The following AAR2 variants were observed in gnomAD, a reference collection of about 807,000 sequenced individuals.
AAR2 encodes the protein protein AAR2 homolog.
AAR2 carries 31 observed loss-of-function variants against 26.9 expected under a neutral mutation model. The observed-to-expected ratio is 1.15, with a 90% confidence interval of 0.86 to 1.55. The LOEUF (loss-of-function observed/expected upper bound fraction) is 1.55. Ranked by LOEUF, AAR2 falls within the 40% of genes most tolerant of loss-of-function variation. The pLI, the probability that AAR2 is intolerant of heterozygous loss-of-function variation, is 0.00. For missense variants in AAR2, 430 were observed against 491.3 expected, an observed-to-expected ratio of 0.88 and a Z score of 1.18; for synonymous variants, 188 against 196.1, an observed-to-expected ratio of 0.96 and a Z score of 0.34.
In AAR2 at chr20:36,244,901, A is replaced by T; in HGVS notation, c.962A>T (p.Asp321Val). The T allele has an allele frequency of 1.2e-6, 2 of 1,614,130 alleles. No homozygotes were observed. Among genetic ancestry groups the T allele is most frequent in the Non-Finnish European group, 1.7e-6 (2 of 1,179,996 alleles). ...ADFFVDIVSQ[D>V]NFLTSTLQVF... ...TTCTTCGTAGACATTGTCTCCCAAG[A>T]CAACTTCCTCACCAGCACCTTACAG... The change falls in exon 3 of 4, where the codon GAC becomes GTC. Residue 321 changes from aspartate to valine, a missense_variant. Physicochemically the swap from Asp to Val is radical, Grantham distance 152. Coordinates refer to ENST00000320849, the MANE Select transcript of AAR2 (RefSeq NM_001271874.2).
chr20:36,243,142 C>T (rs1190427180), intron 2 of AAR2, among the ~76,000 whole-genome samples: 1 of 152,318 alleles, frequency 6.6e-6, no homozygotes, highest in East Asian at 1.9e-4. Flanking sequence ...TGCCACCGCA[C>T]CTGTCCAGGG....
At position 36,244,824 on chromosome 20, in the gene AAR2, C is replaced by A; in HGVS notation, c.885C>A (p.Tyr295Ter). The stretch of plus-strand genomic sequence containing the variant: ...CCATGATGAAGCACCACACCCTCTA[C>A]ATCAACCTCATCTCCATCCTGTACC... ...EAAMMKHHTL[Y>*]INLISILYHQ... Residue 295 changes from tyrosine to a stop codon, truncating the protein, a stop_gained, in exon 3 of 4, where the codon TAC becomes TAA. Transcript: ENST00000320849. LOFTEE classifies it high-confidence loss of function. 6.2e-7 allele frequency: 1 copy of A among 1,614,214 alleles called. No homozygotes were observed. Among genetic ancestry groups the A allele is most frequent in the Non-Finnish European group, 8.5e-7 (1 of 1,180,044 alleles).
At chr20:36,255,162 T>C (rs1291940711) in intron 3 of AAR2, among the ~76,000 whole-genome samples, 2 of 152,210 alleles carry the variant, frequency 1.3e-5, no homozygotes, top group Non-Finnish European at 2.9e-5. Flanking sequence ...ATTTAGAAGA[T>C]TAGAGCAGCA....
At chr20:36,238,659 G>A (rs941210388) in intron 1 of AAR2, among the ~76,000 whole-genome samples, 2 of 151,744 alleles carry the variant, frequency 1.3e-5, no homozygotes, top group Admixed American at 1.3e-4. Context: ...GGGAGGCTGA[G>A]GCACAAGAAT....
At chr20:36,247,949 T>C (rs147860415) in intron 3 of AAR2, among the ~76,000 whole-genome samples, 2 of 152,334 alleles carry the variant, frequency 1.3e-5, no homozygotes, top group Non-Finnish European at 2.9e-5. Flanking sequence ...ATTTTCAGTG[T>C]TCAGTACAGT....
intron 2 of AAR2, among the ~76,000 whole-genome samples, chr20:36,243,243 C>T (rs995891614): frequency 3.9e-5 from 6 of 152,130 alleles, no homozygotes; most frequent in South Asian, 2.1e-4. Context: ...ATGTCCTAAA[C>T]GCAAATAATA....
chr20:36,255,377 T>C (rs1028123505), intron 3 of AAR2, among the ~76,000 whole-genome samples: 2 of 152,208 alleles, frequency 1.3e-5, no homozygotes, highest in Non-Finnish European at 2.9e-5. Context: ...AATTTTCCAT[T>C]CTAGTCCTGC....
At chr20:36,239,496 A>G (rs1312178948) in intron 1 of AAR2, among the ~76,000 whole-genome samples, 1 of 152,202 alleles carries the variant, frequency 6.6e-6, no homozygotes, top group African/African-American at 2.4e-5. Flanking sequence ...GATATTAAGA[A>G]TGGACGGTGG....
Position 36,240,157 on chromosome 20 carries a change from G to T in AAR2, c.289G>T (p.Glu97Ter). The T allele has an allele frequency of 6.2e-7, 1 of 1,614,216 alleles. No homozygotes were observed. Among genetic ancestry groups the T allele is most frequent in the Non-Finnish European group, 8.5e-7 (1 of 1,180,040 alleles). The change falls in exon 2 of 4, where the codon GAG becomes TAG. Residue 97 changes from glutamate (E) to a stop codon, truncating the protein, a stop_gained. Coordinates refer to ENST00000320849, the MANE Select transcript of AAR2 (RefSeq NM_001271874.2). LOFTEE classifies it high-confidence loss of function. ...TVLRWSTLRE[E>*]VDLSPAPESE... ...GCTGCGCTGGAGCACACTCAGGGAA[G>T]AGGTAGACCTGTCCCCAGCCCCAGA... is the stretch of plus-strand genomic sequence containing the variant.
In AAR2 at chr20:36,256,084, G is replaced by T. The variant is rs11905177; in HGVS notation, c.*339G>T. 147 of 213,738 alleles carry T rather than the reference G, an allele frequency of 6.9e-4. 1 individual carries two copies. Among genetic ancestry groups the T allele is most frequent in the African/African-American group, 3.2e-3 (139 of 44,000 alleles). The allele number at this position is 213,738 out of a possible 1,614,324, so 13.2% of individuals were successfully genotyped here. ...TGAATGAGAAGGAATTGAACCAAAA[G>T]TCCAAGAAAGAACTGATTGCTTGTT... On this transcript the variant is annotated 3_prime_UTR_variant, in exon 4 of 4. Transcript: ENST00000320849.
At chr20:36,247,025 A>G (rs1457198902) in intron 3 of AAR2, among the ~76,000 whole-genome samples, 1 of 152,210 alleles carries the variant, frequency 6.6e-6, no homozygotes, top group African/African-American at 2.4e-5. Flanking sequence ...CATCTGCTGT[A>G]TAGAAGACTC....
chr20:36,244,509 G>A (rs1000680916), intron 2 of AAR2, among the ~76,000 whole-genome samples, 188 bp from the exon 3 acceptor site: 1 of 152,160 alleles, frequency 6.6e-6, no homozygotes, highest in African/African-American at 2.4e-5. Context: ...AATTCATAGC[G>A]GTTCAGCAGA....
intron 3 of AAR2, among the ~76,000 whole-genome samples, chr20:36,248,933 G>C (rs1277126644): frequency 3.3e-5 from 5 of 151,622 alleles, no homozygotes; most frequent in Non-Finnish European, 7.4e-5. Context: ...TTGGCAGTGA[G>C]AGTCCAGTTC....
At chr20:36,240,945 C>T (rs139554318) in intron 2 of AAR2, among the ~76,000 whole-genome samples, 9 of 152,302 alleles carry the variant, frequency 5.9e-5, no homozygotes, top group African/African-American at 1.2e-4. Context: ...TGAACTGAGA[C>T]GAGAACCCAG....
At chr20:36,253,197 G>C (rs2064794291) in intron 3 of AAR2, among the ~76,000 whole-genome samples, 1 of 152,166 alleles carries the variant, frequency 6.6e-6, no homozygotes, top group African/African-American at 2.4e-5. Context: ...GCAGGTGGGA[G>C]GAATATTCCC....
At chr20:36,236,622 G>T (rs1407252127) in intron 1 of AAR2, 119 bp downstream of exon 1, 1 of 152,270 alleles carries the variant, frequency 6.6e-6, no homozygotes, top group Non-Finnish European at 1.5e-5. Context: ...ACCTCGCCGG[G>T]GCGGCTGGTT....
intron 1 of AAR2, among the ~76,000 whole-genome samples, chr20:36,239,343 T>C (rs1453884271): frequency 6.6e-6 from 1 of 152,232 alleles, no homozygotes; most frequent in African/African-American, 2.4e-5. Flanking sequence ...AAACTGGATA[T>C]GTACTTGATT....
intron 3 of AAR2, among the ~76,000 whole-genome samples, chr20:36,252,601 T>C (rs1047500494): frequency 1.3e-5 from 2 of 151,816 alleles, no homozygotes; most frequent in African/African-American, 4.8e-5. Flanking sequence ...AAGCAGGAGA[T>C]GGAAAGGTGT....
At chr20:36,246,520 G>A (rs1206849730) in intron 3 of AAR2, among the ~76,000 whole-genome samples, 1 of 152,122 alleles carries the variant, frequency 6.6e-6, no homozygotes, top group Admixed American at 6.5e-5. Flanking sequence ...TTCCCCAAAG[G>A]TACTGGTTAT....
Sources: gnomAD v4.1 joint callset for allele counts (sites outside exome capture counted in the v4.1 genomes callset) on GRCh38, gnomAD v4.1.1 for gene constraint, MANE v1.5 for transcripts, NCBI Gene and HGNC (gene_info 2026-07-23, HGNC 2026-07-21) for gene names.